The following MAN1C1 variants were observed in gnomAD, a reference collection of about 807,000 sequenced individuals.
MAN1C1 encodes the protein mannosidase alpha class 1C member 1.
MAN1C1 carries 49 observed loss-of-function variants against 71.5 expected under a neutral mutation model. The ratio of observed to expected loss-of-function variants is 0.69; its 90% CI spans 0.54 to 0.87. The LOEUF (loss-of-function observed/expected upper bound fraction) is 0.87, where lower values mean the gene tolerates loss of function less well. MAN1C1 is among the 40% of genes least tolerant of loss of function. The probability of loss-of-function intolerance (pLI) is 0.00; values close to 1 mark genes in which losing one functional copy is unlikely to be tolerated. For missense variants in MAN1C1, 743 were observed against 835.0 expected, an observed-to-expected ratio of 0.89 and a Z score of 1.36; for synonymous variants, 352 against 343.7, an observed-to-expected ratio of 1.02 and a Z score of -0.27.
At chr1:25,618,369 A>G in intron 1 of MAN1C1, 32 bp downstream of exon 1, 4 of 1,571,676 alleles carry the variant, frequency 2.5e-6, no homozygotes, top group Non-Finnish European at 3.4e-6. Context: ...TCCTCCCACC[A>G]ACTGCCCCCT....
In MAN1C1 at chr1:25,634,677, G is replaced by A. The variant is rs369023906; in HGVS notation, c.540+16340G>A. On this transcript the variant is annotated intron_variant, in intron 1 of 11. Transcript: ENST00000374332. The surrounding 1 kb of genome is among the most constrained non-coding windows in gnomAD (Gnocchi z 4.6). Reference sequence around the variant, plus strand: ...TCTGCTAAAATACAAAAAATCAGCCGGGCTTCTTGGCACACGCCTGTAGTC... The same window carrying A: ...TCTGCTAAAATACAAAAAATCAGCCAGGCTTCTTGGCACACGCCTGTAGTC... Among the ~76,000 whole-genome samples, 74 of 152,042 alleles carry A rather than the reference G, an allele frequency of 4.9e-4. No individual in the cohort carries two copies. Among genetic ancestry groups the A allele is most frequent in the African/African-American group, 1.7e-3 (71 of 41,482 alleles).
chr1:25,624,274 G>A (rs947809504), intron 1 of MAN1C1, among the ~76,000 whole-genome samples: 2 of 152,152 alleles, frequency 1.3e-5, no homozygotes, highest in Non-Finnish European at 2.9e-5. Context: ...GGTTTTGGAT[G>A]TCCTAAATGT....
At chr1:25,757,290 G>A (rs2124362845) in intron 5 of MAN1C1, among the ~76,000 whole-genome samples, 1 of 152,328 alleles carries the variant, frequency 6.6e-6, no homozygotes, top group Non-Finnish European at 1.5e-5. Context: ...GTGACCAGGA[G>A]CAAGGAAGCA....
intron 8 of MAN1C1, among the ~76,000 whole-genome samples, chr1:25,773,010 C>G (rs941340636): frequency 6.6e-6 from 1 of 152,254 alleles, no homozygotes; most frequent in Non-Finnish European, 1.5e-5. Flanking sequence ...CTGTCACATA[C>G]TCAGGCTTAT....
chr1:25,629,235 C>T (rs1356732806), intron 1 of MAN1C1, among the ~76,000 whole-genome samples: 1 of 152,190 alleles, frequency 6.6e-6, no homozygotes, highest in Non-Finnish European at 1.5e-5. Context: ...GTTCCCTTTT[C>T]ACCACATCAA....
chr1:25,632,065 G>T (rs927629707), intron 1 of MAN1C1, among the ~76,000 whole-genome samples: 2 of 152,192 alleles, frequency 1.3e-5, no homozygotes, highest in African/African-American at 4.8e-5. Context: ...GATGCGGGCT[G>T]CCGTGTCCAG....
In MAN1C1 at chr1:25,686,430, T is replaced by G; in HGVS notation, c.541-10T>G. The G allele has an allele frequency of 6.2e-7, 1 of 1,613,698 alleles. No individual in the cohort carries two copies. On this transcript the variant is annotated splice_polypyrimidine_tract_variant and intron_variant, in intron 1 of 11. Transcript: ENST00000374332. ...CACTGAGGTTCTCTCTATGCTGCTT[T>G]TTCTTGCAGATGATGCAGTTTGCTT... is the stretch of plus-strand genomic sequence containing the variant.
At chr1:25,648,359 A>T (rs577844765) in intron 1 of MAN1C1, among the ~76,000 whole-genome samples, 29 of 152,340 alleles carry the variant, frequency 1.9e-4, no homozygotes, top group African/African-American at 7.0e-4. Context: ...CACTTCTTGC[A>T]GAAGCCGTCT....
At position 25,628,669 on chromosome 1, in the gene MAN1C1, A is replaced by G. The variant is rs1041569896; in HGVS notation, c.540+10332A>G. Reference sequence around the variant, plus strand: ...GTCTTTGGTTACATGGATGAATTATATAGTGGTGAATTCTGAGATTTTAGT... The same window carrying G: ...GTCTTTGGTTACATGGATGAATTATGTAGTGGTGAATTCTGAGATTTTAGT... On this transcript the variant is annotated intron_variant, in intron 1 of 11. Coordinates refer to ENST00000374332, the MANE Select transcript of MAN1C1 (RefSeq NM_020379.4). 5.3e-5 allele frequency among the ~76,000 whole-genome samples: 8 copies of G among 152,290 alleles called. No homozygotes were observed. In the East Asian group the frequency reaches 1.3e-3, roughly 26 times the overall value.
At chr1:25,663,145 TA>T (rs1403589919) in intron 1 of MAN1C1, among the ~76,000 whole-genome samples, 2 of 148,094 alleles carry the variant, frequency 1.4e-5, no homozygotes, top group African/African-American at 2.4e-5. Context: ...TTATTTATTT[TA>T]AATACATGTA....
At position 25,782,818 on chromosome 1, in the gene MAN1C1, G is replaced by A; in HGVS notation, c.1766+118G>A. ...CACAGGACGGGAGCCCAAAAGGGGT[G>A]AAGGGCTTGGGATCCAGAGGGCTGC... On this transcript the variant is annotated intron_variant, in intron 11 of 11. Transcript: ENST00000374332. The surrounding 1 kb of genome is among the most constrained non-coding windows in gnomAD (Gnocchi z 4.4). 1.4e-6 allele frequency: 1 copy of A among 712,746 alleles called. No individual in the cohort carries two copies. Among genetic ancestry groups the A allele is most frequent in the Non-Finnish European group, 2.4e-6 (1 of 415,382 alleles). The allele number at this position is 712,746 out of a possible 1,614,324, so 44.2% of individuals were successfully genotyped here.
intron 1 of MAN1C1, among the ~76,000 whole-genome samples, chr1:25,649,664 G>T (rs2045664287): frequency 6.6e-6 from 1 of 152,106 alleles, no homozygotes. Context: ...TGGAGATAGG[G>T]TCTCACTCTG....
At chr1:25,721,961 G>T (rs1008425416) in intron 2 of MAN1C1, among the ~76,000 whole-genome samples, 1 of 152,138 alleles carries the variant, frequency 6.6e-6, no homozygotes, top group African/African-American at 2.4e-5. Flanking sequence ...GTAGCTTCCT[G>T]GAAAAGTGTG....
intron 1 of MAN1C1, among the ~76,000 whole-genome samples, chr1:25,660,231 G>T (rs890971538): frequency 6.6e-6 from 1 of 151,746 alleles, no homozygotes; most frequent in Non-Finnish European, 1.5e-5. Context: ...GAGAAACCCC[G>T]TCTCTACTAA....
chr1:25,702,304 C>T (rs2046456527), intron 2 of MAN1C1, among the ~76,000 whole-genome samples: 1 of 152,158 alleles, frequency 6.6e-6, no homozygotes, highest in African/African-American at 2.4e-5. Flanking sequence ...TGGCTTCATC[C>T]GAAGGGCCTT....
intron 2 of MAN1C1, among the ~76,000 whole-genome samples, chr1:25,739,261 C>T (rs2047024437): frequency 6.6e-6 from 1 of 152,134 alleles, no homozygotes; most frequent in African/African-American, 2.4e-5. Context: ...AGAAAAGCTT[C>T]GTTCTTCTTG....
intron 1 of MAN1C1, among the ~76,000 whole-genome samples, chr1:25,648,371 A>T (rs916802964): frequency 6.6e-6 from 1 of 152,172 alleles, no homozygotes; most frequent in Admixed American, 6.5e-5. Context: ...AAGCCGTCTG[A>T]TATTGGTGCT....
At chr1:25,650,756 G>A (rs1404529239) in intron 1 of MAN1C1, among the ~76,000 whole-genome samples, 3 of 152,154 alleles carry the variant, frequency 2.0e-5, no homozygotes, top group African/African-American at 7.2e-5. Flanking sequence ...AGGAGAGCTG[G>A]CTGCCCACTT....
Position 25,625,574 on chromosome 1 carries a change from G to A in MAN1C1, c.540+7237G>A, listed in dbSNP as rs149341780. On this transcript the variant is annotated intron_variant, in intron 1 of 11. Transcript: ENST00000374332. ...CTCATGCTTGTAATTCTAGCACTTT[G>A]GGAGGCTGAGGTGGGAGGATCACAT... Among the ~76,000 whole-genome samples, 1,352 of 152,252 alleles carry A rather than the reference G, an allele frequency of 8.9e-3. 13 individuals are homozygous for A. Among genetic ancestry groups the A allele is most frequent in the Non-Finnish European group, 0.013 (865 of 68,016 alleles).
Sources: gnomAD v4.1 joint callset for allele counts (sites outside exome capture counted in the v4.1 genomes callset) on GRCh38, gnomAD v4.1.1 for gene constraint, Gnocchi (gnomAD v3.1) non-coding constraint, MANE v1.5 for transcripts, NCBI Gene and HGNC (gene_info 2026-07-23, HGNC 2026-07-21) for gene names.